VAV3: variants seen among roughly 807,000 people sequenced by gnomAD.
VAV3 encodes the protein guanine nucleotide exchange factor VAV3.
In VAV3, 94 loss-of-function variants were observed where a neutral mutation model predicts 131.2. The ratio of observed to expected loss-of-function variants is 0.72; its 90% CI spans 0.61 to 0.85. The LOEUF is 0.85. VAV3 is among the 40% of genes least tolerant of loss of function. The pLI, the probability that VAV3 is intolerant of heterozygous loss-of-function variation, is 0.00. For synonymous variants in VAV3, 349 were observed against 342.0 expected (o/e 1.02, Z -0.22); for missense variants, 939 against 1,002.7 (o/e 0.94, Z 0.86).
At chr1:107,757,159 G>A (rs1330411457) in intron 11 of VAV3, 102 bp downstream of exon 11, 16 of 547,154 alleles carry the variant, frequency 2.9e-5, no homozygotes, top group African/African-American at 1.8e-4. Context: ...GTATATGTGT[G>A]TGTGTGTGTG....
intron 20 of VAV3, among the ~76,000 whole-genome samples, chr1:107,641,428 A>G (rs902805170): frequency 1.3e-5 from 2 of 152,182 alleles, no homozygotes; most frequent in South Asian, 4.1e-4. Context: ...TTTTTAACGA[A>G]TTCTTTCCTC....
intron 7 of VAV3, among the ~76,000 whole-genome samples, chr1:107,766,868 T>A (rs992879754): frequency 2.0e-5 from 3 of 151,940 alleles, no homozygotes; most frequent in Non-Finnish European, 4.4e-5. Flanking sequence ...GCCATGCAGA[T>A]GGGAAACAGC....
intron 2 of VAV3, among the ~76,000 whole-genome samples, chr1:107,864,528 T>C (rs912733607): frequency 3.9e-5 from 6 of 152,152 alleles, no homozygotes; most frequent in African/African-American, 1.4e-4. Flanking sequence ...GAGGCTGAGG[T>C]GGAAGGATTG....
intron 20 of VAV3, among the ~76,000 whole-genome samples, chr1:107,632,860 C>T (rs1322532910): frequency 2.0e-5 from 3 of 152,132 alleles, no homozygotes; most frequent in Admixed American, 2.0e-4. Flanking sequence ...CAGACATACC[C>T]ATATATATTG....
chr1:107,587,478 A>G (rs1650591799), intron 25 of VAV3, among the ~76,000 whole-genome samples: 1 of 152,244 alleles, frequency 6.6e-6, no homozygotes, highest in East Asian at 1.9e-4. Flanking sequence ...GCAAGAGACT[A>G]GTAAAACCAA....
intron 1 of VAV3, among the ~76,000 whole-genome samples, chr1:107,894,264 C>T (rs1240075435): frequency 6.6e-6 from 1 of 152,008 alleles, no homozygotes; most frequent in East Asian, 1.9e-4. Flanking sequence ...TGTAGTAGAT[C>T]TCACTGCAGA....
At chr1:107,676,851 C>A (rs1557754796) in intron 19 of VAV3, among the ~76,000 whole-genome samples, 2 of 152,124 alleles carry the variant, frequency 1.3e-5, no homozygotes, top group Non-Finnish European at 2.9e-5. Context: ...TCATTCATAA[C>A]CTATACGACA....
chr1:107,777,366 C>T, intron 3 of VAV3, 70 bp from the exon 4 acceptor site: 1 of 1,369,146 alleles, frequency 7.3e-7, no homozygotes. Flanking sequence ...TCAGGCTGCG[C>T]ACTTAACCCT....
At chr1:107,950,807 T>G (rs1674494675) in intron 1 of VAV3, among the ~76,000 whole-genome samples, 1 of 152,090 alleles carries the variant, frequency 6.6e-6, no homozygotes, top group African/African-American at 2.4e-5. Flanking sequence ...GGAGGAGATA[T>G]CAGTCAACTA....
chr1:107,881,671 A>T (rs929798178), intron 1 of VAV3, among the ~76,000 whole-genome samples: 1 of 152,322 alleles, frequency 6.6e-6, no homozygotes, highest in African/African-American at 2.4e-5. Context: ...AAAGCACTCA[A>T]TATCAATGCA....
chr1:107,740,224 T>G (rs1570872144), intron 15 of VAV3, among the ~76,000 whole-genome samples: 1 of 151,576 alleles, frequency 6.6e-6, no homozygotes. Context: ...GAGGTGGAGG[T>G]TGCACTGAGC....
chr1:107,792,854 T>C (rs1666362167), intron 2 of VAV3, among the ~76,000 whole-genome samples: 1 of 152,202 alleles, frequency 6.6e-6, no homozygotes, highest in African/African-American at 2.4e-5. Flanking sequence ...ACCCTCCTTC[T>C]GGTTTGCAAT....
chr1:107,719,213 T>C (rs1661329831), intron 15 of VAV3, among the ~76,000 whole-genome samples: 1 of 152,162 alleles, frequency 6.6e-6, no homozygotes, highest in African/African-American at 2.4e-5. Context: ...AAATGGGATC[T>C]AATTAAACTA....
chr1:107,728,524 T>C (rs1661991889), intron 15 of VAV3, among the ~76,000 whole-genome samples: 1 of 151,822 alleles, frequency 6.6e-6, no homozygotes, highest in Non-Finnish European at 1.5e-5. Flanking sequence ...ACCTCTGTGG[T>C]TCCAATCGGG....
At chr1:107,776,548 A>G (rs74336880) in intron 4 of VAV3, among the ~76,000 whole-genome samples, 8,198 of 152,274 alleles carry the variant, frequency 0.054, 303 homozygotes, top group Middle Eastern at 0.082. Context: ...AAACAAGCCC[A>G]GTGTGTTGGG....
At chr1:107,596,434 C>A in intron 24 of VAV3, 93 bp from the exon 25 acceptor site, 3 of 1,353,432 alleles carry the variant, frequency 2.2e-6, no homozygotes, top group East Asian at 2.4e-5. Flanking sequence ...TAAGGATGAC[C>A]AATTTAATGC....
chr1:107,686,613 C>A lies in VAV3; in HGVS notation c.1731+1768G>T, dbSNP rs1400191966. On this transcript the variant is annotated intron_variant, in intron 18 of 26. Coordinates refer to ENST00000370056, the MANE Select transcript of VAV3 (RefSeq NM_006113.5). The stretch of plus-strand genomic sequence containing the variant: ...CCAAATGGATTGACTAGCCTCAGAG[C>A]TTACTATAATCCTCCATCCACACAA... Among the ~76,000 whole-genome samples the A allele has an allele frequency of 3.3e-5, 5 of 152,022 alleles. No individual in the cohort carries two copies. In the East Asian group the frequency reaches 9.7e-4, roughly 29 times the overall value.
intron 2 of VAV3, among the ~76,000 whole-genome samples, chr1:107,870,152 A>C (rs1261983237): frequency 2.0e-5 from 3 of 152,200 alleles, no homozygotes; most frequent in Non-Finnish European, 2.9e-5. Context: ...GTAGATACCC[A>C]GTAGTGGGAC....
intron 2 of VAV3, among the ~76,000 whole-genome samples, chr1:107,863,570 C>CA (rs1669845272): frequency 6.6e-6 from 1 of 152,208 alleles, no homozygotes; most frequent in Non-Finnish European, 1.5e-5. Flanking sequence ...GCCCCTGTTG[C>CA]ATCTTACACT....
Sources: gnomAD v4.1 joint callset for allele counts (sites outside exome capture counted in the v4.1 genomes callset) on GRCh38, gnomAD v4.1.1 for gene constraint, MANE v1.5 for transcripts, NCBI Gene and HGNC (gene_info 2026-07-23, HGNC 2026-07-21) for gene names.